SATB2: variants seen among roughly 807,000 people sequenced by gnomAD.
SATB2 encodes DNA-binding protein SATB2.
SATB2 carries 1 observed loss-of-function variant against 73.4 expected under a neutral mutation model. That is an observed-to-expected ratio of 0.01 (90% CI 0.00 to 0.06). The LOEUF is 0.06. Ranked by LOEUF, SATB2 falls within the 10% of genes least tolerant of loss-of-function variation. The probability of loss-of-function intolerance (pLI) is 1.00; values close to 1 mark genes in which losing one functional copy is unlikely to be tolerated. For missense variants in SATB2, 459 were observed against 945.8 expected, an observed-to-expected ratio of 0.49 and a Z score of 6.75; for synonymous variants, 397 against 367.0, an observed-to-expected ratio of 1.08 and a Z score of -0.93.
At chr2:199,378,547 G>A (rs1339937700) in intron 5 of SATB2, among the ~76,000 whole-genome samples, 2 of 152,018 alleles carry the variant, frequency 1.3e-5, no homozygotes, top group Non-Finnish European at 2.9e-5. Context: ...CTAAACATAA[G>A]GTCAGAATAA....
chr2:199,323,508 C>CACACACACACAT lies in SATB2; in HGVS notation c.1542+294_1542+295insATGTGTGTGTGT, dbSNP rs372830951. 6.4e-3 allele frequency among the ~76,000 whole-genome samples: 922 copies of CACACACACACAT among 144,342 alleles called. 23 individuals carry two copies. The highest frequency in any genetic ancestry group is 0.05 in the East Asian group (236 of 4,728). The allele number at this position is 144,342 out of a possible 152,430, so 94.7% of individuals were successfully genotyped here. On this transcript the variant is annotated intron_variant, in intron 9 of 10. Transcript: ENST00000417098. ...ACACACACACACACACACACACACACATATATAAAGGGAGAGAAACAAAAG... is the reference window on the plus strand; with the variant it reads ...ACACACACACACACACACACACACACACACACACACATATATATAAAGGGAGAGAAACAAAAG...
At chr2:199,421,224 T>C (rs1332928062) in intron 3 of SATB2, among the ~76,000 whole-genome samples, 2 of 152,008 alleles carry the variant, frequency 1.3e-5, no homozygotes, top group African/African-American at 2.4e-5. Context: ...TAAGAAAGAC[T>C]ATGAAAAGAA....
intron 9 of SATB2, among the ~76,000 whole-genome samples, chr2:199,311,905 C>T (rs1167906884): frequency 1.3e-5 from 2 of 152,170 alleles, no homozygotes; most frequent in Non-Finnish European, 2.9e-5. Flanking sequence ...TGAGAAAGTG[C>T]CACGCAGTTG....
intron 3 of SATB2, chr2:199,396,050 T>C (rs1690291084): frequency 6.6e-6 from 1 of 152,244 alleles, no homozygotes; most frequent in Non-Finnish European, 1.5e-5. Context: ...CTGCTCGTGC[T>C]AAAGCTCCAG....
At chr2:199,436,124 A>G (rs1057049806) in intron 2 of SATB2, among the ~76,000 whole-genome samples, 1 of 152,202 alleles carries the variant, frequency 6.6e-6, no homozygotes, top group Non-Finnish European at 1.5e-5. Context: ...CAATTGCTCC[A>G]TAAGCTATCA....
chr2:199,446,544 G>T (rs1691967678), intron 2 of SATB2, among the ~76,000 whole-genome samples: 1 of 151,992 alleles, frequency 6.6e-6, no homozygotes, highest in African/African-American at 2.4e-5. Context: ...AAGGCAAAAA[G>T]ACATTATGCC....
intron 8 of SATB2, among the ~76,000 whole-genome samples, chr2:199,324,319 G>T (rs1205218519): frequency 1.3e-5 from 2 of 152,018 alleles, no homozygotes; most frequent in African/African-American, 4.8e-5. Context: ...TGGAATAAGA[G>T]CCAATTCTTC....
At chr2:199,380,908 CAG>C (rs1214332718) in intron 4 of SATB2, among the ~76,000 whole-genome samples, 2 of 152,130 alleles carry the variant, frequency 1.3e-5, no homozygotes, top group African/African-American at 4.8e-5. Context: ...TAGAATGGCT[CAG>C]AGTTACTCTC....
At chr2:199,314,787 C>T (rs1189654413) in intron 9 of SATB2, among the ~76,000 whole-genome samples, 1 of 151,848 alleles carries the variant, frequency 6.6e-6, no homozygotes, top group African/African-American at 2.4e-5. Flanking sequence ...GAATGTCATG[C>T]AAAAAAACAA....
intron 3 of SATB2, among the ~76,000 whole-genome samples, chr2:199,423,480 T>C (rs559401912): frequency 6.6e-6 from 1 of 152,148 alleles, no homozygotes; most frequent in South Asian, 2.1e-4. Flanking sequence ...AGACTAAAGA[T>C]CTTAATTTTA....
At position 199,272,111 on chromosome 2, in the gene SATB2, CA is replaced by C. The variant is rs1332480200; in HGVS notation, c.*99del. Reference sequence around the variant, plus strand: ...AGACAAAAATAAAGCCAAAAAAACCCAAAAACAAAAACAAAAAACAAACTAA... The same window carrying C: ...AGACAAAAATAAAGCCAAAAAAACCCAAAACAAAAACAAAAAACAAACTAA... On this transcript the variant is annotated 3_prime_UTR_variant, in exon 11 of 11. Coordinates refer to ENST00000417098, the MANE Select transcript of SATB2 (RefSeq NM_001172509.2). This position sits in a 1 kb window ranked among gnomAD's most constrained non-coding sequence, Gnocchi z 6.7. 1.8e-5 allele frequency: 23 copies of C among 1,259,850 alleles called. No homozygotes were observed. Among genetic ancestry groups the C allele is most frequent in the Middle Eastern group, 2.7e-4 (1 of 3,772 alleles). The allele number at this position is 1,259,850 out of a possible 1,614,324, so 78.0% of individuals were successfully genotyped here. A position where few individuals can be genotyped will look rare whatever the true frequency, so the allele number is the denominator to read the frequency against.
At chr2:199,289,243 A>C (rs927029967) in intron 10 of SATB2, among the ~76,000 whole-genome samples, 2 of 152,108 alleles carry the variant, frequency 1.3e-5, no homozygotes, top group Non-Finnish European at 2.9e-5. Context: ...TGTGGCAGGT[A>C]TATCGGGTGA....
At chr2:199,347,582 A>G (rs1688691643) in intron 7 of SATB2, 1 of 152,136 alleles carries the variant, frequency 6.6e-6, no homozygotes, top group Admixed American at 6.6e-5. Context: ...ACCCACATAG[A>G]GCTTAGCTTC....
chr2:199,294,995 A>G (rs898540503), intron 10 of SATB2, among the ~76,000 whole-genome samples: 2 of 152,282 alleles, frequency 1.3e-5, no homozygotes, highest in South Asian at 4.1e-4. Context: ...GACTCCTCAA[A>G]TATCTTGGGT....
chr2:199,351,692 A>G (rs886350250), intron 6 of SATB2, among the ~76,000 whole-genome samples: 1 of 152,232 alleles, frequency 6.6e-6, no homozygotes, highest in Non-Finnish European at 1.5e-5. Flanking sequence ...TAAAGAGACC[A>G]TGAACTGATT....
At chr2:199,304,142 C>G (rs1687365961) in intron 10 of SATB2, among the ~76,000 whole-genome samples, 1 of 152,154 alleles carries the variant, frequency 6.6e-6, no homozygotes, top group Non-Finnish European at 1.5e-5. Flanking sequence ...ACCCTGGCTT[C>G]AGGCAAGGCT....
chr2:199,399,997 ATCCAAGTCTGCCTGAC>A (rs1690422945), intron 3 of SATB2, among the ~76,000 whole-genome samples: 2 of 152,180 alleles, frequency 1.3e-5, no homozygotes, highest in Admixed American at 1.3e-4. Flanking sequence ...AGACACTGGG[ATCCAAGTCTGCCTGAC>A]TCCAAAACTC....
At position 199,272,304 on chromosome 2, in the gene SATB2, G is replaced by A. The variant is rs148851926; in HGVS notation, c.2109C>T (p.Ser703=). The A allele has an allele frequency of 2.4e-5, 38 of 1,613,934 alleles. No homozygotes were observed. In the African/African-American group the frequency reaches 2.7e-4, roughly 11 times the overall value. ...TGTACATCTCCTCGGAGCCTTCCTC[G>A]CTGTCGTTCTCCTCTGACTCGGTCA... ...ELLTESEEND[S]EEGSEEMYKV... is the part of the protein sequence containing the mutation. The change falls in exon 11 of 11, where the codon AGC becomes AGT. Residue 703 remains serine, a synonymous_variant. Transcript: ENST00000417098. This position sits in a 1 kb window ranked among gnomAD's most constrained non-coding sequence, Gnocchi z 6.7.
At position 199,433,619 on chromosome 2, in the gene SATB2, C is replaced by A; in HGVS notation, c.170-105G>T. 4 of 1,061,960 alleles carry A rather than the reference C, an allele frequency of 3.8e-6. No individual in the cohort carries two copies. The South Asian group carries it at 3.8e-5, about 10-fold the overall frequency. The allele number at this position is 1,061,960 out of a possible 1,614,324, so 65.8% of individuals were successfully genotyped here. A position where few individuals can be genotyped will look rare whatever the true frequency, so the allele number is the denominator to read the frequency against. On this transcript the variant is annotated intron_variant, in intron 2 of 10. Transcript: ENST00000417098. ...GTTATAAAAGTCAGTCATCTGTGAT[C>A]GACAGTGGTTTAGATTAAACAAGCC...
Sources: gnomAD v4.1 joint callset for allele counts (sites outside exome capture counted in the v4.1 genomes callset) on GRCh38, gnomAD v4.1.1 for gene constraint, Gnocchi (gnomAD v3.1) non-coding constraint, MANE v1.5 for transcripts, NCBI Gene and HGNC (gene_info 2026-07-23, HGNC 2026-07-21) for gene names.